TEX22: variants seen among roughly 807,000 people sequenced by gnomAD.
TEX22 encodes testis expressed 22, also known as testis-expressed protein 22.
In TEX22, 16 loss-of-function variants were observed where a neutral mutation model predicts 11.3. The ratio of observed to expected loss-of-function variants is 1.42; its 90% CI spans 0.96 to 2.15. The LOEUF is 2.15. Among genes scored for constraint, TEX22 ranks in the 30% most tolerant of loss-of-function variants. TEX22 has a pLI of 0.00. For missense variants in TEX22, 220 were observed against 208.6 expected (o/e 1.05, Z -0.34); for synonymous variants, 97 against 92.3 (o/e 1.05, Z -0.29).
chr14:105,399,451 C>G lies in TEX22; in HGVS notation c.111C>G (p.Ile37Met). 1 of 1,535,680 alleles carries G rather than the reference C, an allele frequency of 6.5e-7. No homozygotes were observed. Among genetic ancestry groups the G allele is most frequent in the East Asian group, 2.4e-5 (1 of 40,916 alleles). Residue 37 changes from isoleucine to methionine, a missense_variant, in exon 2 of 4, where the codon ATC becomes ATG. Ile to Met is a conservative substitution (Grantham distance 10). Coordinates refer to ENST00000451127, the MANE Select transcript of TEX22 (RefSeq NM_001195082.2). Reference sequence around the variant, plus strand: ...TAGCAGCCTGGGGCCAGCCCAGTATCCAGAGCAGCGTTCAGCAGGGACTGC... The same window carrying G: ...TAGCAGCCTGGGGCCAGCCCAGTATGCAGAGCAGCGTTCAGCAGGGACTGC... ...GLIAAWGQPS[I>M]QSSVQQGLQT...
chr14:105,402,712 C>T lies in TEX22; in HGVS notation c.150+3222C>T, dbSNP rs587700095. Among the ~76,000 whole-genome samples the T allele has an allele frequency of 7.7e-4, 115 of 148,874 alleles. 1 individual carries two copies. Among genetic ancestry groups the T allele is most frequent in the African/African-American group, 2.1e-3 (85 of 39,910 alleles). ...CGGAGCTTGCAGTGAGACGAGATTG[C>T]GCTACTGCACTCCAGCCTGGGCGAC... On this transcript the variant is annotated intron_variant, in intron 2 of 3. Transcript: ENST00000451127.
rs2081698471 is a variant in TEX22, at chr14:105,412,216, G to A, written c.*383G>A. Reference sequence around the variant, plus strand: ...GCCTGGAGACTCAGCTCCTTGGCTGGCCTGGTCTGGGGAACTGGGTATCTG... The same window carrying A: ...GCCTGGAGACTCAGCTCCTTGGCTGACCTGGTCTGGGGAACTGGGTATCTG... On this transcript the variant is annotated 3_prime_UTR_variant, in exon 4 of 4. Coordinates refer to ENST00000451127, the MANE Select transcript of TEX22 (RefSeq NM_001195082.2). This position sits in a 1 kb window ranked among gnomAD's most constrained non-coding sequence, Gnocchi z 5.8. The A allele has an allele frequency of 5.6e-6, 1 of 177,040 alleles. No homozygotes were observed. The highest frequency in any genetic ancestry group is 1.2e-5 in the Non-Finnish European group (1 of 84,512). The allele number at this position is 177,040 out of a possible 1,614,324, so 11.0% of individuals were successfully genotyped here. A position where few individuals can be genotyped will look rare whatever the true frequency, so the allele number is the denominator to read the frequency against.
At chr14:105,400,218 A>G (rs965332715) in intron 2 of TEX22, among the ~76,000 whole-genome samples, 58 of 152,290 alleles carry the variant, frequency 3.8e-4, no homozygotes, top group African/African-American at 1.4e-3. Context: ...CGGCCAGTTC[A>G]GTGTGGGGAG....
At chr14:105,408,675 C>T (rs1424952938) in intron 2 of TEX22, among the ~76,000 whole-genome samples, 3 of 152,258 alleles carry the variant, frequency 2.0e-5, no homozygotes, top group East Asian at 1.9e-4. Flanking sequence ...CTGCCCGCCT[C>T]GGCCTCCCAA....
rs996796896 is a variant in TEX22 at position 105,412,492 on chromosome 14, C to G, written c.*659C>G. On this transcript the variant is annotated 3_prime_UTR_variant, in exon 4 of 4. Transcript: ENST00000451127. This position sits in a 1 kb window ranked among gnomAD's most constrained non-coding sequence, Gnocchi z 5.8. Reference sequence around the variant, plus strand: ...CAAGAGGGTATCCTGCGCAGGGGGTCTGAGCAACTGTGAGGAGCTGGCTGC... The same window carrying G: ...CAAGAGGGTATCCTGCGCAGGGGGTGTGAGCAACTGTGAGGAGCTGGCTGC... The G allele has an allele frequency of 1.3e-5, 2 of 152,310 alleles. No homozygotes were observed. Among genetic ancestry groups the G allele is most frequent in the African/African-American group, 4.8e-5 (2 of 41,410 alleles). 9.4% of individuals were successfully genotyped at this position (152,310 alleles called of 1,614,324 possible). A position where few individuals can be genotyped will look rare whatever the true frequency, so the allele number is the denominator to read the frequency against.
chr14:105,411,526 G>A, intron 3 of TEX22, 30 bp downstream of exon 3: 2 of 196,942 alleles, frequency 1.0e-5, no homozygotes, highest in African/African-American at 8.6e-5. Flanking sequence ...TCCCCGCCCC[G>A]TCCCCGCCCC....
chr14:105,404,212 A>T (rs1163357659), intron 2 of TEX22, among the ~76,000 whole-genome samples: 1 of 152,164 alleles, frequency 6.6e-6, no homozygotes. Flanking sequence ...CGAGTCCATG[A>T]TAGGGGCTGG....
At chr14:105,402,801 T>C (rs1333091767) in intron 2 of TEX22, among the ~76,000 whole-genome samples, 1 of 151,580 alleles carries the variant, frequency 6.6e-6, no homozygotes, top group Non-Finnish European at 1.5e-5. Context: ...AATTCCTTCA[T>C]GAAGAACACT....
intron 2 of TEX22, among the ~76,000 whole-genome samples, chr14:105,400,631 C>T (rs1437789695): frequency 6.6e-6 from 1 of 152,098 alleles, no homozygotes; most frequent in Non-Finnish European, 1.5e-5. Flanking sequence ...CAGGGGCAGC[C>T]AGGCTGTATT....
In TEX22 at chr14:105,411,743, G is replaced by T; in HGVS notation, c.363G>T (p.Glu121Asp). Residue 121 changes from glutamate to aspartate, a missense_variant, in exon 4 of 4, where the codon GAG becomes GAT. Coordinates refer to ENST00000451127, the MANE Select transcript of TEX22 (RefSeq NM_001195082.2). Reference protein sequence around the residue: ...VLLPHPLRSTESTNAFQAFLA... With the variant: ...VLLPHPLRSTDSTNAFQAFLA... Reference sequence around the variant, plus strand: ...TTCCCCACCCGCTGAGGTCCACCGAGTCCACCAACGCCTTCCAGGCCTTCC... The same window carrying T: ...TTCCCCACCCGCTGAGGTCCACCGATTCCACCAACGCCTTCCAGGCCTTCC... 6.6e-7 allele frequency: 1 copy of T among 1,520,218 alleles called. No homozygotes were observed. The highest frequency in any genetic ancestry group is 8.8e-7 in the Non-Finnish European group (1 of 1,138,700). 94.2% of individuals were successfully genotyped at this position (1,520,218 alleles called of 1,614,324 possible).
chr14:105,407,695 A>T (rs2081665428), intron 2 of TEX22, among the ~76,000 whole-genome samples: 1 of 152,164 alleles, frequency 6.6e-6, no homozygotes, highest in Non-Finnish European at 1.5e-5. Context: ...ATAAATTGGT[A>T]TTTCAGTCTT....
chr14:105,407,071 T>A (rs1373356983), intron 2 of TEX22, among the ~76,000 whole-genome samples: 1 of 8,442 alleles, frequency 1.2e-4, no homozygotes, highest in Non-Finnish European at 0.019. Flanking sequence ...ATTTCTTAAT[T>A]TTTTTTTTTT....
At position 105,402,672 on chromosome 14, in the gene TEX22, C is replaced by T. The variant is rs587716764; in HGVS notation, c.150+3182C>T. Among the ~76,000 whole-genome samples, 25 of 149,700 alleles carry T rather than the reference C, an allele frequency of 1.7e-4. 1 individual carries two copies. The highest frequency in any genetic ancestry group is 8.4e-4 in the South Asian group (4 of 4,738). On this transcript the variant is annotated intron_variant, in intron 2 of 3. Transcript: ENST00000451127. ...TCGGGAGGCTGAGGCAGGAGAATGGCGTGAACCCGGGAGGCGGAGCTTGCA... is the reference window on the plus strand; with the variant it reads ...TCGGGAGGCTGAGGCAGGAGAATGGTGTGAACCCGGGAGGCGGAGCTTGCA...
chr14:105,408,504 A>C (rs1566985945), intron 2 of TEX22, among the ~76,000 whole-genome samples: 1 of 151,830 alleles, frequency 6.6e-6, no homozygotes, highest in African/African-American at 2.4e-5. Flanking sequence ...GCTCACTGCA[A>C]CCTCTGCCTC....
intron 3 of TEX22, 67 bp downstream of exon 3, chr14:105,411,563 C>A: frequency 8.1e-7 from 1 of 1,231,858 alleles, no homozygotes. Flanking sequence ...TCGCCTCCCT[C>A]GACTCAGTCC....
intron 2 of TEX22, among the ~76,000 whole-genome samples, chr14:105,408,562 T>G (rs1212556079): frequency 2.6e-5 from 4 of 152,210 alleles, no homozygotes; most frequent in African/African-American, 9.7e-5. Flanking sequence ...TAGTTGGGAT[T>G]ACAGGTGCGT....
At chr14:105,403,817 G>A (rs1458372777) in intron 2 of TEX22, among the ~76,000 whole-genome samples, 1 of 152,140 alleles carries the variant, frequency 6.6e-6, no homozygotes. Context: ...CATTTTAAAT[G>A]TACATAGTGA....
intron 2 of TEX22, among the ~76,000 whole-genome samples, chr14:105,409,359 T>C (rs2081676356): frequency 6.6e-6 from 1 of 152,208 alleles, no homozygotes; most frequent in Non-Finnish European, 1.5e-5. Flanking sequence ...ATTCTGCCTG[T>C]ATGCTTGAAT....
In TEX22 at chr14:105,399,380, G is replaced by A. The variant is rs1555418125; in HGVS notation, c.40G>A (p.Glu14Lys). 1 of 1,535,794 alleles carries A rather than the reference G, an allele frequency of 6.5e-7. No homozygotes were observed. Reference protein sequence around the residue: ...RKLSPRGKKLESHLSQEHRRP... With the variant: ...RKLSPRGKKLKSHLSQEHRRP... ...ACTGTCCCCCCGGGGGAAGAAGCTGGAGTCGCACCTCTCCCAAGAGCACAG... is the reference window on the plus strand; with the variant it reads ...ACTGTCCCCCCGGGGGAAGAAGCTGAAGTCGCACCTCTCCCAAGAGCACAG... The change falls in exon 2 of 4, where the codon GAG (glutamate) becomes AAG (lysine). Residue 14 changes from glutamate (E) to lysine (K), a missense_variant. Coordinates refer to ENST00000451127, the MANE Select transcript of TEX22 (RefSeq NM_001195082.2).
Sources: gnomAD v4.1 joint callset for allele counts (sites outside exome capture counted in the v4.1 genomes callset) on GRCh38, gnomAD v4.1.1 for gene constraint, Gnocchi (gnomAD v3.1) non-coding constraint, MANE v1.5 for transcripts, NCBI Gene and HGNC (gene_info 2026-07-23, HGNC 2026-07-21) for gene names.